TFDP1: variants seen among roughly 807,000 people sequenced by gnomAD.
TFDP1 encodes DRTF1-polypeptide 1.
A neutral mutation model predicts 48.0 loss-of-function variants in TFDP1; 6 were observed. The observed-to-expected ratio is 0.13, with a 90% confidence interval of 0.07 to 0.25. The LOEUF (loss-of-function observed/expected upper bound fraction) is 0.25. TFDP1 is among the 10% of genes least tolerant of loss of function. The pLI is 1.00. For missense variants in TFDP1, 335 were observed against 543.0 expected, an observed-to-expected ratio of 0.62 and a Z score of 3.81; for synonymous variants, 201 against 211.6, an observed-to-expected ratio of 0.95 and a Z score of 0.44.
At chr13:113,629,284 C>T (rs942086790) in intron 4 of TFDP1, among the ~76,000 whole-genome samples, 1 of 152,210 alleles carries the variant, frequency 6.6e-6, no homozygotes, top group Non-Finnish European at 1.5e-5. Context: ...GACCTGGCCT[C>T]CGTAAACAAC....
chr13:113,619,141 GTTA>G (rs761510925), intron 3 of TFDP1, among the ~76,000 whole-genome samples: 1 of 152,234 alleles, frequency 6.6e-6, no homozygotes, highest in East Asian at 1.9e-4. Flanking sequence ...AAATTGTCAT[GTTA>G]TTGTTTGTAT....
intron 3 of TFDP1, among the ~76,000 whole-genome samples, chr13:113,620,396 C>T (rs2048969255): frequency 6.6e-6 from 1 of 152,238 alleles, no homozygotes; most frequent in Non-Finnish European, 1.5e-5. Context: ...TGGAGAGTGA[C>T]AGTGCCACTG....
Position 113,633,233 on chromosome 13 carries a change from A to T in TFDP1, c.422A>T (p.Glu141Val). The stretch of plus-strand genomic sequence containing the variant: ...ACTTCCTACAACGAAGTGGCAGACG[A>T]GCTGGTTGCGGAGTTCAGTGCTGCC... ...GTTSYNEVAD[E>V]LVAEFSAADN... The change falls in exon 6 of 12, where the codon GAG (glutamate) becomes GTG (valine). Residue 141 changes from glutamate to valine, a missense_variant. Physicochemically the swap from Glu to Val is moderately radical, Grantham distance 121. Transcript: ENST00000375370. The surrounding 1 kb of genome is among the most constrained non-coding windows in gnomAD (Gnocchi z 4.5). 6.2e-7 allele frequency: 1 copy of T among 1,614,072 alleles called. No individual in the cohort carries two copies. The highest frequency in any genetic ancestry group is 8.5e-7 in the Non-Finnish European group (1 of 1,180,040).
At chr13:113,604,902 C>T (rs1456117171) in intron 2 of TFDP1, among the ~76,000 whole-genome samples, 2 of 152,118 alleles carry the variant, frequency 1.3e-5, no homozygotes, top group African/African-American at 4.8e-5. Flanking sequence ...GTCCCAGGAG[C>T]GAGGTGGAGC....
chr13:113,601,795 A>AGGGGGGAGCAGACAGAG (rs1566644007), intron 2 of TFDP1, among the ~76,000 whole-genome samples: 118 of 152,274 alleles, frequency 7.7e-4, no homozygotes, highest in African/African-American at 2.7e-3. Context: ...GCAGGAGTTG[A>AGGGGGGAGCAGACAGAG]TGGGGGAGCA....
At chr13:113,593,192 C>T (rs1169771338) in intron 2 of TFDP1, among the ~76,000 whole-genome samples, 1 of 119,896 alleles carries the variant, frequency 8.3e-6, no homozygotes, top group Non-Finnish European at 1.7e-5. Flanking sequence ...GACAGGTGTG[C>T]TGTGTGCTGA....
chr13:113,590,546 A>G (rs762892742), intron 2 of TFDP1, among the ~76,000 whole-genome samples: 45 of 152,202 alleles, frequency 3.0e-4, no homozygotes, highest in Non-Finnish European at 3.7e-4. Context: ...TAAAGAAACA[A>G]CTTTACATTT....
rs753174464 is a variant in TFDP1 at position 113,633,317 on chromosome 13, G to T, written c.474+32G>T. The T allele has an allele frequency of 3.1e-6, 5 of 1,599,464 alleles. No individual in the cohort carries two copies. In the Middle Eastern group the frequency reaches 8.6e-4, roughly 276 times the overall value. ...GTGTGCCGGGGGCCGAGAGGCTGGG[G>T]TGGCGGAGCCCAGCGGTGTGGTACG... On this transcript the variant is annotated intron_variant, in intron 6 of 11. Coordinates refer to ENST00000375370, the MANE Select transcript of TFDP1 (RefSeq NM_007111.5). This position sits in a 1 kb window ranked among gnomAD's most constrained non-coding sequence, Gnocchi z 4.5.
chr13:113,622,628 C>T (rs377254361), intron 3 of TFDP1, among the ~76,000 whole-genome samples: 2 of 152,228 alleles, frequency 1.3e-5, no homozygotes, highest in East Asian at 3.8e-4. Context: ...TGTTGGAAGA[C>T]AGAGGCTTCA....
At chr13:113,619,323 T>C (rs1566661020) in intron 3 of TFDP1, among the ~76,000 whole-genome samples, 1 of 151,944 alleles carries the variant, frequency 6.6e-6, no homozygotes, top group Non-Finnish European at 1.5e-5. Flanking sequence ...AATACAAAAG[T>C]TAGCCAGTGT....
intron 3 of TFDP1, among the ~76,000 whole-genome samples, chr13:113,616,249 G>T (rs578022226): frequency 6.6e-6 from 1 of 151,354 alleles, no homozygotes; most frequent in African/African-American, 2.4e-5. Context: ...ACATTTGAGC[G>T]TGCACTTTCG....
At chr13:113,591,210 C>A (rs147585344) in intron 2 of TFDP1, among the ~76,000 whole-genome samples, 1 of 146,364 alleles carries the variant, frequency 6.8e-6, no homozygotes, top group East Asian at 2.1e-4. Flanking sequence ...GGCGTGGTGG[C>A]GGGCGCCTGT....
In TFDP1 at chr13:113,598,140, G is replaced by A. The variant is rs374762960; in HGVS notation, c.12+12291G>A. Among the ~76,000 whole-genome samples, 9 of 152,240 alleles carry A rather than the reference G, an allele frequency of 5.9e-5. No individual in the cohort carries two copies. The highest frequency in any genetic ancestry group is 5.8e-4 in the East Asian group (3 of 5,176). Reference sequence around the variant, plus strand: ...CTTGCTGGTGCCTGGCCAAGTTCCCGTCTGGTCCCTCTACTCCCCACCACC... The same window carrying A: ...CTTGCTGGTGCCTGGCCAAGTTCCCATCTGGTCCCTCTACTCCCCACCACC... On this transcript the variant is annotated intron_variant, in intron 2 of 11. Transcript: ENST00000375370. This position sits in a 1 kb window ranked among gnomAD's most constrained non-coding sequence, Gnocchi z 4.2.
In TFDP1 at chr13:113,625,220, G is replaced by A. The variant is rs370748623; in HGVS notation, c.186+1934G>A. Among the ~76,000 whole-genome samples, 115 of 130,114 alleles carry A rather than the reference G, an allele frequency of 8.8e-4. 1 individual carries two copies. In the South Asian group the frequency reaches 0.026, roughly 29 times the overall value. The allele number at this position is 130,114 out of a possible 152,430, so 85.4% of individuals were successfully genotyped here. ...TCACTTGTCCTCAGCTGTTTCTCAGGTGTCTCTCACATGTCCCCAGGTGTC... is the reference window on the plus strand; with the variant it reads ...TCACTTGTCCTCAGCTGTTTCTCAGATGTCTCTCACATGTCCCCAGGTGTC... On this transcript the variant is annotated intron_variant, in intron 4 of 11. Coordinates refer to ENST00000375370, the MANE Select transcript of TFDP1 (RefSeq NM_007111.5).
chr13:113,616,585 G>A (rs1162365070), intron 3 of TFDP1, among the ~76,000 whole-genome samples: 2 of 152,278 alleles, frequency 1.3e-5, no homozygotes, highest in African/African-American at 4.8e-5. Context: ...TTACTAAAGA[G>A]CATCTCCCTT....
At chr13:113,613,803 GTGTC>G (rs1018894893) in intron 3 of TFDP1, among the ~76,000 whole-genome samples, 34 of 151,074 alleles carry the variant, frequency 2.3e-4, no homozygotes, top group Non-Finnish European at 2.5e-4. Context: ...TGCGTGTGGA[GTGTC>G]TGTGCGTGTC....
intron 3 of TFDP1, among the ~76,000 whole-genome samples, chr13:113,613,746 G>C (rs1049125158): frequency 7.2e-6 from 1 of 139,748 alleles, no homozygotes; most frequent in Non-Finnish European, 1.5e-5. Flanking sequence ...GTGTCTGTGT[G>C]TATGCGTGAA....
At chr13:113,609,470 G>A (rs1346397879) in intron 2 of TFDP1, among the ~76,000 whole-genome samples, 1 of 152,076 alleles carries the variant, frequency 6.6e-6, no homozygotes, top group Non-Finnish European at 1.5e-5. Context: ...ATGTGAACTT[G>A]CCGTGGTCCT....
intron 5 of TFDP1, 141 bp downstream of exon 5, chr13:113,631,885 C>A: frequency 8.1e-7 from 1 of 1,229,584 alleles, no homozygotes; most frequent in Non-Finnish European, 1.1e-6. Flanking sequence ...TCACACTCAC[C>A]CATCATCGTG....
Sources: gnomAD v4.1 joint callset for allele counts (sites outside exome capture counted in the v4.1 genomes callset) on GRCh38, gnomAD v4.1.1 for gene constraint, Gnocchi (gnomAD v3.1) non-coding constraint, MANE v1.5 for transcripts, NCBI Gene and HGNC (gene_info 2026-07-23, HGNC 2026-07-21) for gene names.